Variants in NBEA observed in about 807,000 individuals in gnomAD.
NBEA encodes lysosomal-trafficking regulator 2.
NBEA carries 44 observed loss-of-function variants against 343.4 expected under a neutral mutation model. The observed-to-expected ratio is 0.13, with a 90% CI of 0.10 to 0.16. NBEA has a LOEUF of 0.16. NBEA is among the 10% of genes least tolerant of loss of function. The pLI is 1.00. For missense variants in NBEA, 2,555 were observed against 3,631.3 expected (o/e 0.70, Z 7.62); for synonymous variants, 1,175 against 1,238.7 (o/e 0.95, Z 1.08).
chr13:35,287,036 A>C (rs1594082946), intron 34 of NBEA, among the ~76,000 whole-genome samples: 1 of 152,062 alleles, frequency 6.6e-6, no homozygotes, highest in Admixed American at 6.6e-5. Flanking sequence ...AATATAGTTC[A>C]TAATATATTC....
intron 48 of NBEA, among the ~76,000 whole-genome samples, chr13:35,609,675 A>G (rs1281811371): frequency 6.6e-6 from 1 of 152,208 alleles, no homozygotes; most frequent in African/African-American, 2.4e-5. Context: ...AAAAGAAGCC[A>G]TTGGAGAGAG....
chr13:35,487,670 C>T (rs2076350923), intron 41 of NBEA, among the ~76,000 whole-genome samples: 3 of 151,926 alleles, frequency 2.0e-5, no homozygotes, highest in African/African-American at 7.2e-5. Context: ...GAACGCTCTT[C>T]CTAATATTGA....
At chr13:35,254,998 G>T (rs1314431936) in intron 34 of NBEA, among the ~76,000 whole-genome samples, 3 of 152,090 alleles carry the variant, frequency 2.0e-5, no homozygotes, top group African/African-American at 7.2e-5. Flanking sequence ...ATTAGTTTCT[G>T]TTACTAAAGT....
chr13:35,475,824 C>G (rs2075838002), intron 41 of NBEA: 1 of 1,613,864 alleles, frequency 6.2e-7, no homozygotes, highest in Non-Finnish European at 8.5e-7. Context: ...TCCTCTTGCG[C>G]CCGTCGCTCA....
intron 33 of NBEA, among the ~76,000 whole-genome samples, chr13:35,217,911 T>C (rs947867152): frequency 1.3e-5 from 2 of 152,244 alleles, no homozygotes; most frequent in African/African-American, 4.8e-5. Flanking sequence ...CATAAGTAGA[T>C]TGCTATTCAG....
chr13:35,498,194 T>G (rs980178957), intron 41 of NBEA, among the ~76,000 whole-genome samples: 3 of 152,074 alleles, frequency 2.0e-5, no homozygotes, highest in Non-Finnish European at 4.4e-5. Context: ...ATACTTCACT[T>G]GTAATGTCCA....
At chr13:35,269,494 G>T (rs898310463) in intron 34 of NBEA, among the ~76,000 whole-genome samples, 18 of 152,150 alleles carry the variant, frequency 1.2e-4, no homozygotes, top group Admixed American at 9.8e-4. Context: ...CATGGAAGTG[G>T]TCAATATTAT....
intron 18 of NBEA, among the ~76,000 whole-genome samples, chr13:35,146,404 T>C (rs2068426262): frequency 6.6e-6 from 1 of 152,192 alleles, no homozygotes; most frequent in African/African-American, 2.4e-5. Flanking sequence ...TATTATTTCC[T>C]GCCATGTCGA....
intron 38 of NBEA, among the ~76,000 whole-genome samples, chr13:35,393,639 C>A (rs183761930): frequency 6.6e-6 from 1 of 151,940 alleles, no homozygotes; most frequent in East Asian, 1.9e-4. Context: ...CATCCTTTTT[C>A]TTATTTGAAA....
intron 55 of NBEA, among the ~76,000 whole-genome samples, chr13:35,664,684 T>C (rs545788457): frequency 1.3e-5 from 2 of 152,334 alleles, no homozygotes; most frequent in African/African-American, 4.8e-5. Context: ...TGCAAAGCCT[T>C]GGGTGTCTAG....
At chr13:35,141,864 G>A (rs555109311) in intron 17 of NBEA, among the ~76,000 whole-genome samples, 2 of 152,206 alleles carry the variant, frequency 1.3e-5, no homozygotes, top group East Asian at 3.9e-4. Context: ...ATTAAGGTTT[G>A]TTACAGCCTA....
rs192317898 is a variant in NBEA, at chr13:35,180,677, A to G, written c.4663-1683A>G. ...AATGGACTATTATTTCTTTTAAAAA[A>G]TGTTCTATTTCCATAGGTTTTTGGG... is the stretch of plus-strand genomic sequence containing the variant. On this transcript the variant is annotated intron_variant, in intron 28 of 58. Transcript: ENST00000379939. Among the ~76,000 whole-genome samples the G allele has an allele frequency of 1.0e-3, 157 of 151,808 alleles. 1 individual carries two copies. The highest frequency in any genetic ancestry group is 3.6e-3 in the African/African-American group (149 of 41,512).
intron 1 of NBEA, among the ~76,000 whole-genome samples, chr13:34,949,525 C>G (rs1339066073): frequency 1.3e-5 from 2 of 152,134 alleles, no homozygotes; most frequent in Non-Finnish European, 2.9e-5. Flanking sequence ...TAAGTGAGAT[C>G]TTCTGAGATA....
intron 1 of NBEA, among the ~76,000 whole-genome samples, chr13:34,949,015 G>C (rs1306131493): frequency 2.0e-5 from 3 of 152,100 alleles, no homozygotes; most frequent in Non-Finnish European, 2.9e-5. Flanking sequence ...TGCTAAAGTT[G>C]GCAAGAGGAA....
chr13:35,020,148 ATACATT>A (rs1198696936), intron 1 of NBEA, among the ~76,000 whole-genome samples: 1 of 152,060 alleles, frequency 6.6e-6, no homozygotes, highest in Non-Finnish European at 1.5e-5. Flanking sequence ...TTTTAATGTT[ATACATT>A]TCTCTAAAGC....
chr13:35,615,963 G>A (rs2082721350), intron 48 of NBEA, among the ~76,000 whole-genome samples: 1 of 152,150 alleles, frequency 6.6e-6, no homozygotes, highest in Non-Finnish European at 1.5e-5. Context: ...TTACAGCTGA[G>A]GAAGTGCCAG....
chr13:35,104,650 A>C (rs914618559), intron 11 of NBEA, among the ~76,000 whole-genome samples: 3 of 152,118 alleles, frequency 2.0e-5, no homozygotes, highest in Admixed American at 6.6e-5. Context: ...TTAACTAATA[A>C]CAGGTTACTG....
At chr13:35,555,933 ACT>A (rs947500548) in intron 44 of NBEA, among the ~76,000 whole-genome samples, 3 of 151,946 alleles carry the variant, frequency 2.0e-5, no homozygotes, top group African/African-American at 7.2e-5. Context: ...ATGTAATATT[ACT>A]CTTTTTTAAT....
At chr13:35,472,646 T>G in intron 41 of NBEA, 110 bp downstream of exon 41, 1 of 1,040,108 alleles carries the variant, frequency 9.6e-7, no homozygotes, top group Middle Eastern at 2.0e-4. Context: ...ATTCTCCTCT[T>G]TCTCATAGAA....
Sources: allele counts gnomAD v4.1 joint callset (sites outside exome capture counted in the v4.1 genomes callset), GRCh38; gene constraint gnomAD v4.1.1; transcripts MANE v1.5; gene names NCBI Gene and HGNC (gene_info 2026-07-23, HGNC 2026-07-21).